FBN1: variants seen among roughly 807,000 people sequenced by gnomAD.
FBN1 encodes fibrillin 1.
FBN1 carries 29 observed loss-of-function variants against 365.1 expected under a neutral mutation model. That is an observed-to-expected ratio of 0.08 (90% confidence interval 0.06 to 0.11). FBN1 has a LOEUF of 0.11. FBN1 is among the 10% of genes least tolerant of loss of function. FBN1 has a pLI of 1.00. For missense variants in FBN1, 2,476 were observed against 3,703.2 expected (o/e 0.67, Z 8.60); for synonymous variants, 1,210 against 1,270.5 (o/e 0.95, Z 1.01).
intron 19 of FBN1, among the ~76,000 whole-genome samples, chr15:48,496,507 C>G (rs987004116): frequency 6.6e-6 from 1 of 151,974 alleles, no homozygotes; most frequent in Non-Finnish European, 1.5e-5. Flanking sequence ...TACAGATTTG[C>G]TGGAAATCAT....
intron 46 of FBN1, among the ~76,000 whole-genome samples, chr15:48,448,257 C>T (rs1273440161): frequency 2.7e-5 from 4 of 150,218 alleles, no homozygotes; most frequent in Non-Finnish European, 4.4e-5. Context: ...ATTCATTACA[C>T]ACTGAAGTTT....
chr15:48,610,689 C>A lies in FBN1; in HGVS notation c.346+39G>T, dbSNP rs570320678. 4.2e-5 allele frequency: 62 copies of A among 1,474,662 alleles called. No individual in the cohort carries two copies. The South Asian group carries it at 7.1e-4, about 17-fold the overall frequency. 91.3% of individuals were successfully genotyped at this position (1,474,662 alleles called of 1,614,324 possible). A position where few individuals can be genotyped will look rare whatever the true frequency, so the allele number is the denominator to read the frequency against. ...TTTAGGAGAAAATGGGGTATAACCA[C>A]ATAAAATAATATTATATATAATGAC... On this transcript the variant is annotated intron_variant, in intron 4 of 65. Transcript: ENST00000316623.
At chr15:48,495,657 G>A (rs2043601432) in intron 20 of FBN1, 69 bp from the exon 21 acceptor site, 1 of 1,589,620 alleles carries the variant, frequency 6.3e-7, no homozygotes, top group Non-Finnish European at 8.6e-7. Context: ...CTTCAACTTT[G>A]ACCCCAATTG....
intron 17 of FBN1, among the ~76,000 whole-genome samples, chr15:48,503,170 C>T (rs1277411684): frequency 6.6e-6 from 1 of 151,682 alleles, no homozygotes; most frequent in Non-Finnish European, 1.5e-5. Flanking sequence ...TGGTGGCGCA[C>T]ACGTGTAATC....
chr15:48,453,294 C>A (rs63337565), intron 44 of FBN1, among the ~76,000 whole-genome samples: 12,411 of 57,708 alleles, frequency 0.22, 771 homozygotes, highest in East Asian at 0.35. Flanking sequence ...ATAAAACAAA[C>A]AAAAAAAAAA....
chr15:48,493,863 G>T (rs1311598723), intron 23 of FBN1, among the ~76,000 whole-genome samples: 1 of 152,120 alleles, frequency 6.6e-6, no homozygotes, highest in Admixed American at 6.5e-5. Context: ...AATAAAAAAT[G>T]CCAGGACAAA....
chr15:48,435,764 A>ATG (rs766256307), intron 53 of FBN1, among the ~76,000 whole-genome samples: 8 of 21,360 alleles, frequency 3.7e-4, no homozygotes, highest in South Asian at 1.9e-3. Flanking sequence ...GTGTATATAT[A>ATG]TGTGTATATG....
rs1286905089 is a variant in FBN1, at chr15:48,415,630, C to T, written c.7957G>A (p.Gly2653Ser). The change falls in exon 64 of 66, where the codon GGC (glycine) becomes AGC (serine). Residue 2653 changes from glycine to serine, a missense_variant. By Grantham distance (56) the Gly-to-Ser change is moderately conservative. Around this residue, in one of 5 missense-constraint regions of FBN1, gnomAD observed 1,780 missense variants for 2,840.8 expected, o/e 0.63. Transcript: ENST00000316623. Reference sequence around the variant, plus strand: ...TAGCTGCAGGGGGCCTGCGCAGAGCCACATTCATTGATGTCTTGGCATCCT... The same window carrying T: ...TAGCTGCAGGGGGCCTGCGCAGAGCTACATTCATTGATGTCTTGGCATCCT... Reference protein sequence around the residue: ...SGGCQDINECGSAQAPCSYGC... With the variant: ...SGGCQDINECSSAQAPCSYGC... The T allele has an allele frequency of 1.2e-6, 2 of 1,614,224 alleles. No homozygotes were observed. Among genetic ancestry groups the T allele is most frequent in the Non-Finnish European group, 1.7e-6 (2 of 1,180,038 alleles).
chr15:48,566,585 G>A (rs2044260097), intron 6 of FBN1, among the ~76,000 whole-genome samples: 1 of 152,156 alleles, frequency 6.6e-6, no homozygotes, highest in Admixed American at 6.5e-5. Flanking sequence ...AAGAACTGTT[G>A]TAGCATAAAA....
intron 2 of FBN1, among the ~76,000 whole-genome samples, chr15:48,631,787 T>C (rs1316581855): frequency 1.3e-5 from 2 of 152,156 alleles, no homozygotes; most frequent in African/African-American, 4.8e-5. Context: ...AAATCCTTAC[T>C]CCAACAGAGG....
At chr15:48,521,596 T>C (rs2043855777) in intron 9 of FBN1, among the ~76,000 whole-genome samples, 1 of 152,220 alleles carries the variant, frequency 6.6e-6, no homozygotes, top group African/African-American at 2.4e-5. Flanking sequence ...TCATGTCTAA[T>C]TGTCATGACA....
At chr15:48,433,036 A>G (rs773696377) in intron 54 of FBN1, 48 bp from the exon 55 acceptor site, 2 of 1,607,382 alleles carry the variant, frequency 1.2e-6, no homozygotes, top group Non-Finnish European at 1.7e-6. Context: ...ACAGCAACAA[A>G]AGGGAACCTA....
At chr15:48,472,749 T>C in intron 34 of FBN1, 73 bp from the exon 35 acceptor site, 5 of 1,604,938 alleles carry the variant, frequency 3.1e-6, no homozygotes, top group South Asian at 1.1e-5. Context: ...CTATCAACTT[T>C]CCAGTGCAGC....
At position 48,467,291 on chromosome 15, in the gene FBN1, T is replaced by C. The variant is rs560144972; in HGVS notation, c.4747+647A>G. ...CATTCTAGGTACTCAACAAATATTT[T>C]TAGAAGAATTGAATAAATGACCCTT... On this transcript the variant is annotated intron_variant, in intron 38 of 65. Coordinates refer to ENST00000316623, the MANE Select transcript of FBN1 (RefSeq NM_000138.5). 6.6e-5 allele frequency among the ~76,000 whole-genome samples: 10 copies of C among 152,260 alleles called. No homozygotes were observed. The South Asian group carries it at 2.1e-3, about 32-fold the overall frequency.
intron 2 of FBN1, among the ~76,000 whole-genome samples, chr15:48,638,276 A>G (rs933204753): frequency 7.9e-5 from 12 of 152,208 alleles, no homozygotes; most frequent in Non-Finnish European, 1.2e-4. Context: ...TTGTAACAGC[A>G]TCTGCCATCA....
intron 6 of FBN1, among the ~76,000 whole-genome samples, chr15:48,586,730 T>G (rs1156892031): frequency 6.6e-6 from 1 of 152,172 alleles, no homozygotes; most frequent in Admixed American, 6.5e-5. Flanking sequence ...AAGATCTTCC[T>G]CCAAAAACCT....
At chr15:48,482,979 G>T (rs1305771781) in intron 31 of FBN1, among the ~76,000 whole-genome samples, 1 of 152,080 alleles carries the variant, frequency 6.6e-6, no homozygotes, top group African/African-American at 2.4e-5. Context: ...ACTTTGAAAG[G>T]GATCCATGTG....
chr15:48,467,614 T>C (rs946724197), intron 38 of FBN1, among the ~76,000 whole-genome samples: 4 of 152,152 alleles, frequency 2.6e-5, no homozygotes, highest in Admixed American at 1.3e-4. Context: ...AACTAGTCAA[T>C]AGATGAGAAG....
intron 41 of FBN1, 142 bp from the exon 42 acceptor site, chr15:48,463,382 G>A: frequency 2.4e-6 from 2 of 827,886 alleles, no homozygotes; most frequent in South Asian, 1.4e-5. Flanking sequence ...CAAAAAACTT[G>A]CTCTTACACA....
Sources: allele counts gnomAD v4.1 joint callset (sites outside exome capture counted in the v4.1 genomes callset), GRCh38; gene constraint gnomAD v4.1.1; regional missense constraint gnomAD v4.1.1; transcripts MANE v1.5; gene names NCBI Gene and HGNC (gene_info 2026-07-23, HGNC 2026-07-21).